The following LRP1 variants were observed in gnomAD, a reference collection of about 807,000 sequenced individuals.
LRP1 encodes prolow-density lipoprotein receptor-related protein 1.
LRP1 carries 51 observed loss-of-function variants against 541.5 expected under a neutral mutation model. That is an observed-to-expected ratio of 0.09 (90% CI 0.08 to 0.12). LRP1 has a LOEUF of 0.12. LRP1 is among the 10% of genes least tolerant of loss of function. The pLI, the probability that LRP1 is intolerant of heterozygous loss-of-function variation, is 1.00. For synonymous variants in LRP1, 2,219 were observed against 2,470.8 expected (o/e 0.90, Z 3.02); for missense variants, 3,878 against 6,376.2 (o/e 0.61, Z 13.34).
At position 57,177,398 on chromosome 12, in the gene LRP1, A is replaced by G; in HGVS notation, c.4197-29A>G. 6.4e-7 allele frequency: 1 copy of G among 1,570,092 alleles called. No homozygotes were observed. Among genetic ancestry groups the G allele is most frequent in the Non-Finnish European group, 8.6e-7 (1 of 1,156,572 alleles). On this transcript the variant is annotated intron_variant, in intron 25 of 88. Coordinates refer to ENST00000243077, the MANE Select transcript of LRP1 (RefSeq NM_002332.3). This position sits in a 1 kb window ranked among gnomAD's most constrained non-coding sequence, Gnocchi z 6.8. The stretch of plus-strand genomic sequence containing the variant: ...GTCGCTCCCTGAGGGCCCTGACTTT[A>G]GCCCTCCTGACCCCTCCCCACTCCC...
In LRP1 at chr12:57,197,955, G is replaced by C. The variant is rs998342737; in HGVS notation, c.9283-201G>C. On this transcript the variant is annotated intron_variant, in intron 58 of 88. Coordinates refer to ENST00000243077, the MANE Select transcript of LRP1 (RefSeq NM_002332.3). This position sits in a 1 kb window ranked among gnomAD's most constrained non-coding sequence, Gnocchi z 4.5. Reference sequence around the variant, plus strand: ...CTTGGGGCGTGGTCCCATTCACCTAGAGCCCCCTCTCCTAGAGCCTCTGCT... The same window carrying C: ...CTTGGGGCGTGGTCCCATTCACCTACAGCCCCCTCTCCTAGAGCCTCTGCT... Among the ~76,000 whole-genome samples, 2 of 152,182 alleles carry C rather than the reference G, an allele frequency of 1.3e-5. No individual in the cohort carries two copies. Among genetic ancestry groups the C allele is most frequent in the Admixed American group, 1.3e-4 (2 of 15,286 alleles).
intron 44 of LRP1, 91 bp downstream of exon 44, chr12:57,191,603 C>A: frequency 8.5e-7 from 1 of 1,170,712 alleles, no homozygotes; most frequent in Non-Finnish European, 1.2e-6. Flanking sequence ...GCACATACCA[C>A]ACGCACCCTA....
rs371224472 is a variant in LRP1 at position 57,203,475 on chromosome 12, C to T, written c.10905C>T (p.Asp3635=). 1.9e-4 allele frequency: 304 copies of T among 1,583,958 alleles called. 3 individuals are homozygous for T. Among genetic ancestry groups the T allele is most frequent in the Admixed American group, 1.1e-3 (62 of 56,670 alleles). The change falls in exon 70 of 89, where the codon GAC becomes GAT. Residue 3635 remains aspartate (D), a synonymous_variant. Coordinates refer to ENST00000243077, the MANE Select transcript of LRP1 (RefSeq NM_002332.3). ...CIPLRWRCDA[D]ADCMDGSDEE... ...CCCTGCGCTGGCGCTGTGACGCAGA[C>T]GCCGACTGCATGGACGGCAGCGACG...
Position 57,194,757 on chromosome 12 carries a change from G to A in LRP1, c.8191+58G>A. The A allele has an allele frequency of 2.0e-6, 3 of 1,513,622 alleles. No individual in the cohort carries two copies. The East Asian group carries it at 6.8e-5, about 34-fold the overall frequency. The allele number at this position is 1,513,622 out of a possible 1,614,324, so 93.8% of individuals were successfully genotyped here. On this transcript the variant is annotated intron_variant, in intron 50 of 88. Transcript: ENST00000243077. ...AGAGCCTGCTGGGCCCCACTTCTTAGTCCCCCCCAGCAAATGCCCCCTTGG... is the reference window on the plus strand; with the variant it reads ...AGAGCCTGCTGGGCCCCACTTCTTAATCCCCCCCAGCAAATGCCCCCTTGG...
chr12:57,156,890 A>T lies in LRP1; in HGVS notation c.1531A>T (p.Ser511Cys). The T allele has an allele frequency of 6.3e-7, 1 of 1,590,996 alleles. No homozygotes were observed. The highest frequency in any genetic ancestry group is 8.6e-7 in the Non-Finnish European group (1 of 1,168,984). ...GACCTGCCGCTGCCGTTCCGGCTTC[A>T]GCCTGGGCAGTGACGGGAAGTCATG... ...ARTCRCRSGF[S>C]LGSDGKSCKK... The change falls in exon 10 of 89, where the codon AGC becomes TGC. Residue 511 changes from serine to cysteine, a missense_variant. Around this residue, in one of 13 missense-constraint regions of LRP1, gnomAD observed 496 missense variants for 861.0 expected, o/e 0.58. Transcript: ENST00000243077. The surrounding 1 kb of genome is among the most constrained non-coding windows in gnomAD (Gnocchi z 5.2).
At chr12:57,135,472 G>T (rs2035138671) in intron 1 of LRP1, among the ~76,000 whole-genome samples, 1 of 152,220 alleles carries the variant, frequency 6.6e-6, no homozygotes, top group African/African-American at 2.4e-5. Flanking sequence ...TCCCTTGGCT[G>T]TGTAGACTGT....
At chr12:57,134,957 G>T (rs922654636) in intron 1 of LRP1, among the ~76,000 whole-genome samples, 4 of 152,054 alleles carry the variant, frequency 2.6e-5, no homozygotes, top group Admixed American at 1.3e-4. Context: ...TGCCTGCTTC[G>T]GCCTCCCAAA....
chr12:57,194,113 C>A (rs1592649741), intron 48 of LRP1, 101 bp downstream of exon 48: 2 of 1,124,634 alleles, frequency 1.8e-6, no homozygotes, highest in East Asian at 5.1e-5. Context: ...TCCTCTCTGC[C>A]TTCCCTCATC....
Position 57,205,535 on chromosome 12 carries a change from A to G in LRP1, c.11471-23A>G. The stretch of plus-strand genomic sequence containing the variant: ...GTGGACACCCCAACTGTGGACTCTC[A>G]TGACCCTCCCTGTAACCCTTAGACA... On this transcript the variant is annotated intron_variant, in intron 74 of 88. Transcript: ENST00000243077. The surrounding 1 kb of genome is among the most constrained non-coding windows in gnomAD (Gnocchi z 4.6). The G allele has an allele frequency of 6.2e-7, 1 of 1,613,930 alleles. No homozygotes were observed. Among genetic ancestry groups the G allele is most frequent in the Non-Finnish European group, 8.5e-7 (1 of 1,179,974 alleles).
In LRP1 at chr12:57,190,823, C is replaced by T. The variant is rs1337229631; in HGVS notation, c.7050C>T (p.Asn2350=). The change falls in exon 43 of 89, where the codon AAC becomes AAT. Residue 2350 remains asparagine, a synonymous_variant. Transcript: ENST00000243077. The part of the protein sequence containing the change: ...DECQNLMFWT[N]WNEQHPSIMR... ...CCCCCAGCCTCATGTTCTGGACCAA[C>T]TGGAATGAGCAGCATCCCAGCATCA... is the stretch of plus-strand genomic sequence containing the variant. 6 of 1,613,842 alleles carry T rather than the reference C, an allele frequency of 3.7e-6. No homozygotes were observed. The highest frequency in any genetic ancestry group is 1.3e-5 in the African/African-American group (1 of 74,920).
Position 57,156,635 on chromosome 12 carries a change from C to A in LRP1, c.1418-142C>A. On this transcript the variant is annotated intron_variant, in intron 9 of 88. Coordinates refer to ENST00000243077, the MANE Select transcript of LRP1 (RefSeq NM_002332.3). The surrounding 1 kb of genome is among the most constrained non-coding windows in gnomAD (Gnocchi z 5.2). ...GTTGTTGGGGGGCAGAGGGTTTCCA[C>A]CCCTGTGGCTTCCAAATCCTAAAAT... 1.0e-6 allele frequency: 1 copy of A among 961,332 alleles called. No homozygotes were observed. The highest frequency in any genetic ancestry group is 1.5e-6 in the Non-Finnish European group (1 of 669,558). The allele number at this position is 961,332 out of a possible 1,614,324, so 59.6% of individuals were successfully genotyped here. A position where few individuals can be genotyped will look rare whatever the true frequency, so the allele number is the denominator to read the frequency against.
rs1412407383 is a variant in LRP1 at position 57,198,447 on chromosome 12, C to T, written c.9471-18C>T. 6.2e-7 allele frequency: 1 copy of T among 1,612,224 alleles called. No individual in the cohort carries two copies. The highest frequency in any genetic ancestry group is 8.5e-7 in the Non-Finnish European group (1 of 1,178,890). ...GGGTTACGGGATCTCCCAGGGCTCA[C>T]TGCCTACCCATCGCCAGGTACCTGT... is the stretch of plus-strand genomic sequence containing the variant. On this transcript the variant is annotated intron_variant, in intron 59 of 88. Transcript: ENST00000243077.
Position 57,197,022 on chromosome 12 carries a change from G to A in LRP1, c.8933G>A (p.Arg2978Gln), listed in dbSNP as rs960269688. Residue 2978 changes from arginine (R) to glutamine (Q), a missense_variant, in exon 56 of 89, where the codon CGG becomes CAG. By Grantham distance (43) the Arg-to-Gln change is conservative. Around this residue, in one of 13 missense-constraint regions of LRP1, gnomAD observed 1,100 missense variants for 1,827.4 expected, o/e 0.60. Transcript: ENST00000243077. The surrounding 1 kb of genome is among the most constrained non-coding windows in gnomAD (Gnocchi z 4.5). ...GGCTTCCGGCTGAAGGACGACGGCC[G>A]GACGTGTGCTGATGTGGACGAGTGC... ...RPGFRLKDDG[R>Q]TCADVDECST... 16 of 1,613,504 alleles carry A rather than the reference G, an allele frequency of 9.9e-6. No individual in the cohort carries two copies. The highest frequency in any genetic ancestry group is 4.4e-5 in the South Asian group (4 of 91,068).
At chr12:57,202,066 C>A in intron 67 of LRP1, 161 bp downstream of exon 67, 2 of 867,938 alleles carry the variant, frequency 2.3e-6, no homozygotes, top group Non-Finnish European at 3.6e-6. Context: ...GGAGGCCTGG[C>A]TGGAGCTCAC....
chr12:57,174,067 G>C, intron 22 of LRP1, 87 bp downstream of exon 22: 1 of 1,379,090 alleles, frequency 7.3e-7, no homozygotes, highest in African/African-American at 1.4e-5. Flanking sequence ...CTGAGTCTAG[G>C]AGAGAGCAGC....
chr12:57,158,459 G>T lies in LRP1; in HGVS notation c.1619G>T (p.Gly540Val). The T allele has an allele frequency of 6.2e-7, 1 of 1,614,134 alleles. No homozygotes were observed. The highest frequency in any genetic ancestry group is 8.5e-7 in the Non-Finnish European group (1 of 1,179,974). ...YGKGRPGIIR[G>V]MDMGAKVPDE... ...AAGGGCCGGCCAGGCATCATCCGGG[G>T]CATGGATATGGGGGCCAAGGTCCCG... is the stretch of plus-strand genomic sequence containing the variant. Residue 540 changes from glycine to valine, a missense_variant, in exon 11 of 89, where the codon GGC (glycine) becomes GTC (valine). By Grantham distance (109) the Gly-to-Val change is moderately radical. Transcript: ENST00000243077. This position sits in a 1 kb window ranked among gnomAD's most constrained non-coding sequence, Gnocchi z 5.3.
intron 19 of LRP1, among the ~76,000 whole-genome samples, 162 bp downstream of exon 19, chr12:57,167,686 C>T (rs2035867335): frequency 6.6e-6 from 1 of 152,192 alleles, no homozygotes. Context: ...GTCAGAAATG[C>T]CTGGAGGGAG....
intron 3 of LRP1, 122 bp downstream of exon 3, chr12:57,141,633 T>A (rs2035294503): frequency 7.8e-7 from 1 of 1,285,436 alleles, no homozygotes; most frequent in Non-Finnish European, 1.1e-6. Flanking sequence ...CTGCCTAGAT[T>A]TACCTTCAGA....
At chr12:57,148,316 C>T (rs902184874) in intron 6 of LRP1, among the ~76,000 whole-genome samples, 8 of 152,092 alleles carry the variant, frequency 5.3e-5, no homozygotes, top group South Asian at 2.1e-4. Context: ...TAAACAGTAG[C>T]GCAAGCTGTA....
Sources: gnomAD v4.1 joint callset for allele counts (sites outside exome capture counted in the v4.1 genomes callset) on GRCh38, gnomAD v4.1.1 for gene constraint, gnomAD v4.1.1 regional missense constraint, Gnocchi (gnomAD v3.1) non-coding constraint, MANE v1.5 for transcripts, NCBI Gene and HGNC (gene_info 2026-07-23, HGNC 2026-07-21) for gene names.